Variants in GALNT15 observed in about 807,000 individuals in gnomAD.
GALNT15 encodes the protein polypeptide N-acetylgalactosaminyltransferase 15.
Under a neutral mutation model 66.8 loss-of-function variants are expected in GALNT15, and 67 were observed. The observed-to-expected ratio is 1.00, with a 90% CI of 0.82 to 1.23. GALNT15 has a LOEUF of 1.23. GALNT15 is among the 50% of genes most tolerant of loss of function. GALNT15 has a pLI of 0.00. For synonymous variants in GALNT15, 313 were observed against 311.5 expected, an observed-to-expected ratio of 1.00 and a Z score of -0.05; for missense variants, 827 against 804.3, an observed-to-expected ratio of 1.03 and a Z score of -0.34.
chr3:16,179,530 C>T (rs921031452), intron 1 of GALNT15, among the ~76,000 whole-genome samples: 2 of 152,146 alleles, frequency 1.3e-5, no homozygotes, highest in Non-Finnish European at 2.9e-5. Context: ...TGTCTTGTCA[C>T]AGGGCAGGAG....
At chr3:16,242,390 T>G in the GALNT15 span, among the ~76,000 whole-genome samples, 17 of 152,250 alleles carry the variant, frequency 1.1e-4, no homozygotes, top group East Asian at 3.3e-3. The surrounding 1 kb of genome is among the most constrained non-coding windows in gnomAD (Gnocchi z 5.6). Context: ...TGAACTAATC[T>G]CTGTGACCAG....
In GALNT15 at chr3:16,175,012, G is replaced by A. The variant is rs1020063560; in HGVS notation, c.-140G>A. On this transcript the variant is annotated 5_prime_UTR_variant, in exon 1 of 10. An upstream start codon of the reference 5' UTR is lost. Transcript: ENST00000339732. This position sits in a 1 kb window ranked among gnomAD's most constrained non-coding sequence, Gnocchi z 5.6. ...GGTCTTGCACACGCTGTTGGCAAAT[G>A]TCAGGACCAGGTTAAGTGACTGGCA... 6 of 719,328 alleles carry A rather than the reference G, an allele frequency of 8.3e-6. No individual in the cohort carries two copies. Among genetic ancestry groups the A allele is most frequent in the Non-Finnish European group, 1.4e-5 (6 of 439,998 alleles). The allele number at this position is 719,328 out of a possible 1,614,324, so 44.6% of individuals were successfully genotyped here.
chr3:16,247,958 GA>G, the GALNT15 span, among the ~76,000 whole-genome samples: 1 of 152,200 alleles, frequency 6.6e-6, no homozygotes, highest in African/African-American at 2.4e-5. Context: ...GCTCATCTGT[GA>G]ACAGCTGCGG....
chr3:16,218,810 C>CTTTTTTTTTTTTTTTTTTTTTT, intron 6 of GALNT15, among the ~76,000 whole-genome samples: 1 of 92,920 alleles, frequency 1.1e-5, no homozygotes, highest in Non-Finnish European at 2.0e-5. Flanking sequence ...CTCTCTCTCT[C>CTTTTTTTTTTTTTTTTTTTTTT]TTTTTTTTTT....
chr3:16,205,450 CCTT>C (rs1483852884), intron 3 of GALNT15, among the ~76,000 whole-genome samples: 4 of 152,300 alleles, frequency 2.6e-5, no homozygotes, highest in Admixed American at 1.3e-4. Flanking sequence ...CAGCTTGACT[CCTT>C]CTGTTTGCCT....
chr3:16,210,590 G>A (rs2063801577), intron 4 of GALNT15, among the ~76,000 whole-genome samples: 1 of 152,098 alleles, frequency 6.6e-6, no homozygotes, highest in African/African-American at 2.4e-5. Context: ...CTAGCTTCTT[G>A]TGTTTATAAA....
rs1045667080 is a variant in GALNT15, at chr3:16,175,027, A to G, written c.-125A>G. On this transcript the variant is annotated 5_prime_UTR_variant, in exon 1 of 10. It removes the in-frame stop codon of an upstream open reading frame in the 5' UTR. Coordinates refer to ENST00000339732, the MANE Select transcript of GALNT15 (RefSeq NM_054110.5). This position sits in a 1 kb window ranked among gnomAD's most constrained non-coding sequence, Gnocchi z 5.6. Reference sequence around the variant, plus strand: ...GTTGGCAAATGTCAGGACCAGGTTAAGTGACTGGCAGAAAAACTTCCAGGT... The same window carrying G: ...GTTGGCAAATGTCAGGACCAGGTTAGGTGACTGGCAGAAAAACTTCCAGGT... 40 of 815,990 alleles carry G rather than the reference A, an allele frequency of 4.9e-5. No individual in the cohort carries two copies. In the African/African-American group the frequency reaches 6.4e-4, roughly 13 times the overall value. The allele number at this position is 815,990 out of a possible 1,614,324, so 50.5% of individuals were successfully genotyped here. A position where few individuals can be genotyped will look rare whatever the true frequency, so the allele number is the denominator to read the frequency against.
In GALNT15 at chr3:16,212,619, A is replaced by G. The variant is rs1301886769; in HGVS notation, c.1248A>G (p.Gly416=). 2.5e-6 allele frequency: 4 copies of G among 1,613,866 alleles called. No homozygotes were observed. The highest frequency in any genetic ancestry group is 2.2e-5 in the South Asian group (2 of 91,066). ...AAATCCTTCCCTGCTCTCGGGTAGGACACATCTACCAAAATCAGGATTCCC... is the reference window on the plus strand; with the variant it reads ...AAATCCTTCCCTGCTCTCGGGTAGGGCACATCTACCAAAATCAGGATTCCC... ...SVEILPCSRV[G]HIYQNQDSHS... Residue 416 remains glycine (G), a synonymous_variant, in exon 6 of 10, where the codon GGA becomes GGG. Transcript: ENST00000339732.
At chr3:16,218,186 C>G (rs527408798) in intron 6 of GALNT15, among the ~76,000 whole-genome samples, 1 of 152,216 alleles carries the variant, frequency 6.6e-6, no homozygotes, top group Admixed American at 6.5e-5. Flanking sequence ...GTACAACAGA[C>G]TTACCACATT....
intron 4 of GALNT15, among the ~76,000 whole-genome samples, chr3:16,210,189 T>A (rs956049591): frequency 2.6e-5 from 4 of 152,258 alleles, no homozygotes; most frequent in Middle Eastern, 6.8e-3. Context: ...CAAAACCCAA[T>A]TATGAAACAC....
chr3:16,222,641 G>T lies in GALNT15; in HGVS notation c.1656G>T (p.Glu552Asp), dbSNP rs2063955540. 6.2e-7 allele frequency: 1 copy of T among 1,614,120 alleles called. No individual in the cohort carries two copies. The change falls in exon 9 of 10, where the codon GAG (glutamate) becomes GAT (aspartate). Residue 552 changes from glutamate to aspartate, a missense_variant. Glu to Asp is a conservative substitution (Grantham distance 45). Transcript: ENST00000339732. ...ACCTGCAGCACACCAGCAGGAAGGA[G>T]ATTCACTTTGGCAGCCCACAGCACC... The part of the protein sequence containing the change: ...QQYLQHTSRK[E>D]IHFGSPQHLC...
In GALNT15 at chr3:16,225,431, T is replaced by A. The variant is rs1431020575; in HGVS notation, c.1774-1923T>A. The stretch of plus-strand genomic sequence containing the variant: ...TAAAAAAGAGGCCAGGCTCAATGGC[T>A]CACGCCTGTAATCCCAGCACTTCGG... On this transcript the variant is annotated intron_variant, in intron 9 of 9. Transcript: ENST00000339732. This position sits in a 1 kb window ranked among gnomAD's most constrained non-coding sequence, Gnocchi z 4.4. 6.6e-6 allele frequency among the ~76,000 whole-genome samples: 1 copy of A among 152,264 alleles called. No individual in the cohort carries two copies. Among genetic ancestry groups the A allele is most frequent in the African/African-American group, 2.4e-5 (1 of 41,468 alleles).
At chr3:16,206,158 C>T (rs540319247) in intron 3 of GALNT15, among the ~76,000 whole-genome samples, 154 of 152,244 alleles carry the variant, frequency 1.0e-3, no homozygotes, top group Admixed American at 2.2e-3. Context: ...TGGCAGATCA[C>T]TTTGAGCTCA....
chr3:16,199,988 G>C lies in GALNT15; in HGVS notation c.707-631G>C, dbSNP rs189041079. ...CTCACACTGCTATAAAGAACTGCCT[G>C]AGACTAGGTAATTTATAAAGAAAGG... On this transcript the variant is annotated intron_variant, in intron 2 of 9. Transcript: ENST00000339732. Among the ~76,000 whole-genome samples, 794 of 152,324 alleles carry C rather than the reference G, an allele frequency of 5.2e-3. 7 individuals carry two copies. Among genetic ancestry groups the C allele is most frequent in the Non-Finnish European group, 7.8e-3 (533 of 68,030 alleles).
Position 16,195,776 on chromosome 3 carries a change from C to T in GALNT15, c.556C>T (p.Pro186Ser). 6.2e-7 allele frequency: 1 copy of T among 1,613,296 alleles called. No individual in the cohort carries two copies. Among genetic ancestry groups the T allele is most frequent in the Non-Finnish European group, 8.5e-7 (1 of 1,179,532 alleles). ...TCCCTGCAGGTGTCTGCAGCAGCAC[C>T]CTCAGGACAGCCTGCCCACAGCCAG... is the stretch of plus-strand genomic sequence containing the variant. ...VRHPLCLQQH[P>S]QDSLPTASVI... is the part of the protein sequence containing the mutation. The change falls in exon 2 of 10, where the codon CCT becomes TCT. Residue 186 changes from proline to serine, a missense_variant. Coordinates refer to ENST00000339732, the MANE Select transcript of GALNT15 (RefSeq NM_054110.5). The surrounding 1 kb of genome is among the most constrained non-coding windows in gnomAD (Gnocchi z 4.6).
At chr3:16,212,416 A>T (rs528413099) in intron 5 of GALNT15, among the ~76,000 whole-genome samples, 153 bp from the exon 6 acceptor site, 1 of 152,140 alleles carries the variant, frequency 6.6e-6, no homozygotes, top group African/African-American at 2.4e-5. Context: ...AAATCTGGAA[A>T]CTCTACGCCA....
At chr3:16,246,331 T>G in the GALNT15 span, among the ~76,000 whole-genome samples, 14 of 145,030 alleles carry the variant, frequency 9.7e-5, no homozygotes, top group Non-Finnish European at 2.1e-4. Context: ...GTTTTTTTTT[T>G]TTTTTTTTTT....
Position 16,224,847 on chromosome 3 carries a change from G to A in GALNT15, c.1773+2089G>A, listed in dbSNP as rs189914279. ...GACGGGGTTTCCTCCATGTTGGCCA[G>A]GCTGGTCTCGAACTCCTGACATCAG... On this transcript the variant is annotated intron_variant, in intron 9 of 9. Coordinates refer to ENST00000339732, the MANE Select transcript of GALNT15 (RefSeq NM_054110.5). This position sits in a 1 kb window ranked among gnomAD's most constrained non-coding sequence, Gnocchi z 5.2. Among the ~76,000 whole-genome samples, 1 of 152,166 alleles carries A rather than the reference G, an allele frequency of 6.6e-6. No homozygotes were observed. Among genetic ancestry groups the A allele is most frequent in the Non-Finnish European group, 1.5e-5 (1 of 68,002 alleles).
chr3:16,226,930 G>T (rs938808360), intron 9 of GALNT15, among the ~76,000 whole-genome samples: 11 of 152,170 alleles, frequency 7.2e-5, no homozygotes, highest in Admixed American at 3.3e-4. Context: ...TAGAGGTCTT[G>T]CTCACTACCA....
Sources: allele counts gnomAD v4.1 joint callset (sites outside exome capture counted in the v4.1 genomes callset), GRCh38; gene constraint gnomAD v4.1.1; non-coding constraint Gnocchi (gnomAD v3.1); transcripts MANE v1.5; gene names NCBI Gene and HGNC (gene_info 2026-07-23, HGNC 2026-07-21).